NFXL1: variants seen among roughly 807,000 people sequenced by gnomAD.
NFXL1 encodes NF-X1-type zinc finger protein NFXL1.
In NFXL1, 66 loss-of-function variants were observed where a neutral mutation model predicts 123.3. The observed-to-expected ratio is 0.54, with a 90% CI of 0.44 to 0.66. NFXL1 has a LOEUF of 0.66. Among genes scored for constraint, NFXL1 ranks in the 30% least tolerant of loss-of-function variants. NFXL1 has a pLI of 0.00. For synonymous variants in NFXL1, 346 were observed against 360.8 expected, an observed-to-expected ratio of 0.96 and a Z score of 0.46; for missense variants, 944 against 1,125.6, an observed-to-expected ratio of 0.84 and a Z score of 2.31.
At chr4:47,903,846 G>A (rs1217875688) in intron 4 of NFXL1, among the ~76,000 whole-genome samples, 1 of 152,008 alleles carries the variant, frequency 6.6e-6, no homozygotes, top group Non-Finnish European at 1.5e-5. Flanking sequence ...CCTAACTAAT[G>A]CTAAATTCTA....
At chr4:47,861,315 C>G (rs1734754629) in intron 19 of NFXL1, among the ~76,000 whole-genome samples, 1 of 152,148 alleles carries the variant, frequency 6.6e-6, no homozygotes, top group African/African-American at 2.4e-5. Flanking sequence ...TAGATTGTTC[C>G]AAACTATAAC....
At chr4:47,872,999 G>C (rs1466818333) in intron 18 of NFXL1, among the ~76,000 whole-genome samples, 1 of 152,080 alleles carries the variant, frequency 6.6e-6, no homozygotes, top group Non-Finnish European at 1.5e-5. Context: ...ACTAAGTTTG[G>C]GTAATATTCT....
chr4:47,899,332 T>G, intron 6 of NFXL1, 38 bp downstream of exon 6: 1 of 1,508,232 alleles, frequency 6.6e-7, no homozygotes, highest in East Asian at 2.3e-5. Context: ...GAAGAAATAA[T>G]CACCCACAAA....
chr4:47,848,477 T>G (rs1309936215), intron 22 of NFXL1, 141 bp from the exon 23 acceptor site: 1 of 609,778 alleles, frequency 1.6e-6, no homozygotes, highest in Non-Finnish European at 2.8e-6. Context: ...TTTAAAACAC[T>G]ACTCTCCACT....
At chr4:47,861,124 G>A (rs958219804) in intron 19 of NFXL1, among the ~76,000 whole-genome samples, 12 of 150,972 alleles carry the variant, frequency 7.9e-5, no homozygotes, top group African/African-American at 2.9e-4. Flanking sequence ...GCCTCCCAAA[G>A]TGCTGGGATT....
At chr4:47,873,740 C>G (rs1187460916) in intron 18 of NFXL1, among the ~76,000 whole-genome samples, 1 of 152,160 alleles carries the variant, frequency 6.6e-6, no homozygotes, top group East Asian at 1.9e-4. Flanking sequence ...TGCATTAGGG[C>G]CCTAACAAGA....
chr4:47,853,603 A>T (rs763600732), intron 20 of NFXL1, among the ~76,000 whole-genome samples: 2 of 152,144 alleles, frequency 1.3e-5, no homozygotes, highest in East Asian at 3.8e-4. Context: ...GCAGGATTCT[A>T]GTAAGCAGAG....
chr4:47,871,999 T>C (rs1240328756), intron 18 of NFXL1, among the ~76,000 whole-genome samples: 3 of 152,190 alleles, frequency 2.0e-5, no homozygotes. Flanking sequence ...TGTTATATCA[T>C]TATTAAATAA....
chr4:47,892,124 C>G (rs2070932491), intron 11 of NFXL1, among the ~76,000 whole-genome samples: 1 of 152,130 alleles, frequency 6.6e-6, no homozygotes, highest in South Asian at 2.1e-4. Context: ...ACTCCTGTCT[C>G]AAACCACTAG....
At chr4:47,877,620 AC>A (rs1043726868) in intron 17 of NFXL1, among the ~76,000 whole-genome samples, 1 of 152,084 alleles carries the variant, frequency 6.6e-6, no homozygotes, top group African/African-American at 2.4e-5. Flanking sequence ...TATCATGAGT[AC>A]ATTTTTGAGG....
At chr4:47,850,992 A>G (rs751757477) in intron 22 of NFXL1, 103 bp downstream of exon 22, 4 of 821,844 alleles carry the variant, frequency 4.9e-6, no homozygotes, top group Non-Finnish European at 8.3e-6. Flanking sequence ...TTCAGTTCAC[A>G]ATAGAGACTA....
chr4:47,900,231 A>C (rs1737302535), intron 5 of NFXL1, among the ~76,000 whole-genome samples: 2 of 152,020 alleles, frequency 1.3e-5, no homozygotes, highest in Non-Finnish European at 2.9e-5. Flanking sequence ...CTTTTTTGAG[A>C]AAAAGTCTCA....
In NFXL1 at chr4:47,875,309, GAAAT is replaced by G. The variant is rs1361065120; in HGVS notation, c.2080-20_2080-17del. On this transcript the variant is annotated splice_polypyrimidine_tract_variant and intron_variant, in intron 17 of 22. Coordinates refer to ENST00000507489, the MANE Select transcript of NFXL1 (RefSeq NM_001278624.2). Reference sequence around the variant, plus strand: ...CTGGGCCAGCCTGAAAAACAGCATGGAAATAAATCACCTAAGTACAAGGTAAGCC... The same window carrying G: ...CTGGGCCAGCCTGAAAAACAGCATGGAAATCACCTAAGTACAAGGTAAGCC... 1 of 1,598,696 alleles carries G rather than the reference GAAAT, an allele frequency of 6.3e-7. No individual in the cohort carries two copies. Among genetic ancestry groups the G allele is most frequent in the Non-Finnish European group, 8.5e-7 (1 of 1,170,342 alleles).
At chr4:47,898,169 CAAAT>C (rs145577149) in intron 8 of NFXL1, 88 bp from the exon 9 acceptor site, 242,583 of 719,364 alleles carry the variant, frequency 0.34, 43,640 homozygotes, top group East Asian at 0.58. Context: ...TTTTCAATCA[CAAAT>C]AAACAACTGC....
chr4:47,912,517 T>G (rs1737880247), intron 2 of NFXL1, among the ~76,000 whole-genome samples: 1 of 148,250 alleles, frequency 6.7e-6, no homozygotes, highest in South Asian at 2.1e-4. Context: ...TGGAGTGCAG[T>G]GGGGCAATCT....
intron 1 of NFXL1, 31 bp downstream of exon 1, chr4:47,914,334 G>C (rs1345512508): frequency 2.8e-6 from 2 of 720,784 alleles, no homozygotes; most frequent in African/African-American, 1.8e-5. Flanking sequence ...GGCGGCGACC[G>C]GGTTTTAGGA....
chr4:47,872,651 G>A (rs2110062293), intron 18 of NFXL1, among the ~76,000 whole-genome samples: 1 of 152,172 alleles, frequency 6.6e-6, no homozygotes, highest in African/African-American at 2.4e-5. Context: ...TACTAAGTAT[G>A]CAATAGCATT....
intron 19 of NFXL1, among the ~76,000 whole-genome samples, chr4:47,857,419 G>C (rs1734475199): frequency 6.6e-6 from 1 of 152,164 alleles, no homozygotes; most frequent in East Asian, 1.9e-4. Flanking sequence ...ATAGGATCAT[G>C]GCTATAGTGT....
At position 47,863,202 on chromosome 4, in the gene NFXL1, A is replaced by C. The variant is rs147989874; in HGVS notation, c.2247-287T>G. Among the ~76,000 whole-genome samples the C allele has an allele frequency of 7.3e-3, 1,112 of 152,118 alleles. 3 individuals carry two copies. The highest frequency in any genetic ancestry group is 0.012 in the Admixed American group (182 of 15,306). ...CATCTGGGCCTGGCCTCTCTTTAAT[A>C]GTTCCTGTAACTATCTTTCCCTATA... On this transcript the variant is annotated intron_variant, in intron 18 of 22. Coordinates refer to ENST00000507489, the MANE Select transcript of NFXL1 (RefSeq NM_001278624.2).
Sources: allele counts gnomAD v4.1 joint callset (sites outside exome capture counted in the v4.1 genomes callset), GRCh38; gene constraint gnomAD v4.1.1; transcripts MANE v1.5; gene names NCBI Gene and HGNC (gene_info 2026-07-23, HGNC 2026-07-21).